MARCHF4: variants seen among roughly 807,000 people sequenced by gnomAD.
The protein encoded by MARCHF4 is E3 ubiquitin-protein ligase MARCHF4.
In MARCHF4, 14 loss-of-function variants were observed where a neutral mutation model predicts 43.9. The ratio of observed to expected loss-of-function variants is 0.32; its 90% CI spans 0.21 to 0.50. The LOEUF (loss-of-function observed/expected upper bound fraction) is 0.50, where lower values mean the gene tolerates loss of function less well. MARCHF4 is among the 20% of genes least tolerant of loss of function. The pLI, the probability that MARCHF4 is intolerant of heterozygous loss-of-function variation, is 0.98. For missense variants in MARCHF4, 468 were observed against 536.7 expected (o/e 0.87, Z 1.27); for synonymous variants, 226 against 213.3 (o/e 1.06, Z -0.52).
intron 1 of MARCHF4, among the ~76,000 whole-genome samples, chr2:216,354,983 C>CTTTCTTTCTTTT (rs1559106750): frequency 2.1e-5 from 2 of 96,858 alleles, no homozygotes; most frequent in African/African-American, 4.3e-5. Context: ...TTCTTTCTTT[C>CTTTCTTTCTTTT]TTTTTTGAGA....
chr2:216,273,465 A>G (rs1036031701), intron 3 of MARCHF4, among the ~76,000 whole-genome samples: 2 of 152,062 alleles, frequency 1.3e-5, no homozygotes, highest in African/African-American at 2.4e-5. Context: ...GAATTGCTCC[A>G]CCCATCCGAG....
At chr2:216,313,395 G>T (rs185044717) in intron 1 of MARCHF4, among the ~76,000 whole-genome samples, 2 of 152,110 alleles carry the variant, frequency 1.3e-5, no homozygotes, top group Non-Finnish European at 2.9e-5. Flanking sequence ...GGTTTTAAAT[G>T]GAGTAAAATT....
intron 1 of MARCHF4, among the ~76,000 whole-genome samples, chr2:216,349,600 G>A (rs1692367184): frequency 6.6e-6 from 1 of 152,190 alleles, no homozygotes; most frequent in South Asian, 2.1e-4. Flanking sequence ...GGTGACATGT[G>A]ACAGGCTAGG....
At chr2:216,349,225 T>C (rs1692363238) in intron 1 of MARCHF4, among the ~76,000 whole-genome samples, 2 of 152,194 alleles carry the variant, frequency 1.3e-5, no homozygotes, top group Admixed American at 6.5e-5. Flanking sequence ...AACCACAAGA[T>C]GGTTAAAAAC....
At chr2:216,354,522 G>A (rs978487413) in intron 1 of MARCHF4, among the ~76,000 whole-genome samples, 1 of 152,128 alleles carries the variant, frequency 6.6e-6, no homozygotes, top group African/African-American at 2.4e-5. Flanking sequence ...TTCTCAGCAC[G>A]CCAGTTTCTT....
chr2:216,352,895 A>G (rs914548750), intron 1 of MARCHF4, among the ~76,000 whole-genome samples: 3 of 152,182 alleles, frequency 2.0e-5, no homozygotes, highest in African/African-American at 7.2e-5. Context: ...CTGTGTTCCA[A>G]TTCACCATGG....
intron 1 of MARCHF4, among the ~76,000 whole-genome samples, chr2:216,327,782 C>T (rs750521134): frequency 1.3e-5 from 2 of 152,150 alleles, no homozygotes; most frequent in Non-Finnish European, 2.9e-5. Context: ...TTTGACCCAA[C>T]TGAGATTGTG....
At chr2:216,348,273 G>A (rs1692350823) in intron 1 of MARCHF4, among the ~76,000 whole-genome samples, 1 of 152,054 alleles carries the variant, frequency 6.6e-6, no homozygotes, top group Non-Finnish European at 1.5e-5. Context: ...CTGACATCAG[G>A]TGATCCACCC....
intron 1 of MARCHF4, among the ~76,000 whole-genome samples, chr2:216,286,896 G>A (rs954222624): frequency 1.3e-5 from 2 of 152,218 alleles, no homozygotes; most frequent in Non-Finnish European, 2.9e-5. Flanking sequence ...TCTGTTAAAA[G>A]CTACATGGAC....
chr2:216,344,920 G>C lies in MARCHF4; in HGVS notation c.516+24825C>G, dbSNP rs553646021. ...CCGGGTGCTTCTTTCTCTCAGATAG[G>C]AAAGGGGAGAGTCTAGGTAAAAATA... On this transcript the variant is annotated intron_variant, in intron 1 of 3. Transcript: ENST00000273067. Among the ~76,000 whole-genome samples, 3 of 151,974 alleles carry C rather than the reference G, an allele frequency of 2.0e-5. No individual in the cohort carries two copies. The South Asian group carries it at 6.3e-4, about 32-fold the overall frequency.
At position 216,332,404 on chromosome 2, in the gene MARCHF4, A is replaced by AAT. The variant is rs1315286385; in HGVS notation, c.516+37340_516+37341insAT. Reference sequence around the variant, plus strand: ...AAGACTCTGTCTAAAAAAAAAAAAAAGAAAGAAAGAAAAGAAAAAAGAAAA... The same window carrying AAT: ...AAGACTCTGTCTAAAAAAAAAAAAAAATGAAAGAAAGAAAAGAAAAAAGAAAA... On this transcript the variant is annotated intron_variant, in intron 1 of 3. Transcript: ENST00000273067. 2.0e-5 allele frequency among the ~76,000 whole-genome samples: 3 copies of AAT among 151,230 alleles called. No individual in the cohort carries two copies. In the South Asian group the frequency reaches 6.2e-4, roughly 31 times the overall value.
intron 1 of MARCHF4, among the ~76,000 whole-genome samples, chr2:216,356,359 C>T (rs1386889603): frequency 2.6e-5 from 4 of 152,184 alleles, no homozygotes; most frequent in Non-Finnish European, 1.5e-5. Context: ...GTTTATCATC[C>T]GCTTTGGACA....
In MARCHF4 at chr2:216,300,350, G is replaced by GTATATATATATA. The variant is rs201683040; in HGVS notation, c.517-16633_517-16622dup. 4.2e-3 allele frequency among the ~76,000 whole-genome samples: 486 copies of GTATATATATATA among 115,796 alleles called. 10 individuals are homozygous for GTATATATATATA. The highest frequency in any genetic ancestry group is 0.016 in the African/African-American group (459 of 28,366). 76.0% of individuals were successfully genotyped at this position (115,796 alleles called of 152,430 possible). A position where few individuals can be genotyped will look rare whatever the true frequency, so the allele number is the denominator to read the frequency against. ...TATGTCCATCTCGATATATATATAT[G>GTATATATATATA]TATATATATATATATATATGACTTA... On this transcript the variant is annotated intron_variant, in intron 1 of 3. Transcript: ENST00000273067.
At chr2:216,324,303 T>G (rs1351801074) in intron 1 of MARCHF4, among the ~76,000 whole-genome samples, 2 of 146,766 alleles carry the variant, frequency 1.4e-5, no homozygotes, top group Middle Eastern at 3.4e-3. Context: ...TAACAGGAGC[T>G]GAAATTGTGG....
chr2:216,345,270 C>T (rs1361249555), intron 1 of MARCHF4, among the ~76,000 whole-genome samples: 3 of 151,998 alleles, frequency 2.0e-5, no homozygotes, highest in African/African-American at 7.3e-5. Context: ...CCCAAGGTTA[C>T]ACATCGAGCA....
chr2:216,297,751 G>A (rs1691419825), intron 1 of MARCHF4, among the ~76,000 whole-genome samples: 1 of 152,050 alleles, frequency 6.6e-6, no homozygotes, highest in African/African-American at 2.4e-5. Flanking sequence ...CCCCACCTCA[G>A]GTGATCCACT....
intron 1 of MARCHF4, among the ~76,000 whole-genome samples, chr2:216,318,584 G>A (rs1691822417): frequency 6.6e-6 from 1 of 152,184 alleles, no homozygotes; most frequent in African/African-American, 2.4e-5. Context: ...GGAGTGAACT[G>A]TGTGAATATC....
intron 1 of MARCHF4, among the ~76,000 whole-genome samples, chr2:216,334,035 C>T (rs573742852): frequency 6.2e-4 from 94 of 152,044 alleles, no homozygotes; most frequent in African/African-American, 2.2e-3. Flanking sequence ...CCCAAAGATG[C>T]CCGTATCCTA....
intron 1 of MARCHF4, among the ~76,000 whole-genome samples, chr2:216,332,406 A>G (rs1221422874): frequency 2.0e-5 from 3 of 151,138 alleles, no homozygotes; most frequent in African/African-American, 4.9e-5. Context: ...AAAAAAAAAG[A>G]AAGAAAGAAA....
Sources: allele counts gnomAD v4.1 joint callset (sites outside exome capture counted in the v4.1 genomes callset), GRCh38; gene constraint gnomAD v4.1.1; transcripts MANE v1.5; gene names NCBI Gene and HGNC (gene_info 2026-07-23, HGNC 2026-07-21).